The following VPS8 variants were observed in gnomAD, a reference collection of about 807,000 sequenced individuals.
The protein encoded by VPS8 is VPS8 subunit of CORVET complex.
In VPS8, 129 loss-of-function variants were observed where a neutral mutation model predicts 216.4. The observed-to-expected ratio is 0.60, with a 90% CI of 0.52 to 0.69. The LOEUF (loss-of-function observed/expected upper bound fraction) is 0.69. Ranked by LOEUF, VPS8 falls within the 30% of genes least tolerant of loss-of-function variation. The pLI is 0.00. For missense variants in VPS8, 1,531 were observed against 1,683.5 expected, an observed-to-expected ratio of 0.91 and a Z score of 1.59; for synonymous variants, 571 against 565.4, an observed-to-expected ratio of 1.01 and a Z score of -0.14.
intron 21 of VPS8, among the ~76,000 whole-genome samples, chr3:184,875,626 C>G (rs17820136): frequency 6.6e-6 from 1 of 151,896 alleles, no homozygotes; most frequent in African/African-American, 2.4e-5. Context: ...TTTTGTTTGC[C>G]TCACGCCGTC....
chr3:184,851,303 A>G (rs916496066), intron 10 of VPS8, among the ~76,000 whole-genome samples: 1 of 152,230 alleles, frequency 6.6e-6, no homozygotes, highest in Non-Finnish European at 1.5e-5. Flanking sequence ...AAGGTGGTAC[A>G]TGTAGATAAT....
chr3:185,032,338 G>A lies in VPS8; in HGVS notation c.4056+7949G>A, dbSNP rs547993840. Among the ~76,000 whole-genome samples the A allele has an allele frequency of 3.9e-5, 6 of 152,290 alleles. No homozygotes were observed. The South Asian group carries it at 1.2e-3, about 32-fold the overall frequency. On this transcript the variant is annotated intron_variant, in intron 46 of 47. Transcript: ENST00000625842. The stretch of plus-strand genomic sequence containing the variant: ...CAATAGAGGTGAGAGGGCTATTGCA[G>A]TAAGGGGAACGCTCCAACCATAAGA...
At chr3:184,942,176 T>A (rs1742828370) in intron 36 of VPS8, among the ~76,000 whole-genome samples, 1 of 152,158 alleles carries the variant, frequency 6.6e-6, no homozygotes, top group Non-Finnish European at 1.5e-5. Context: ...AAAAGGCATA[T>A]CACAAGTATC....
chr3:184,819,309 A>G (rs1402107344), intron 1 of VPS8, among the ~76,000 whole-genome samples: 1 of 152,194 alleles, frequency 6.6e-6, no homozygotes, highest in Non-Finnish European at 1.5e-5. Context: ...ATCTGATTTC[A>G]TTCTAAGAGA....
intron 40 of VPS8, among the ~76,000 whole-genome samples, chr3:184,972,223 G>A (rs138394091): frequency 1.4e-3 from 210 of 152,320 alleles, no homozygotes; most frequent in African/African-American, 4.9e-3. Flanking sequence ...TTACTATAAA[G>A]AGTGTGTGGC....
chr3:184,894,387 C>G (rs577056870), intron 22 of VPS8, among the ~76,000 whole-genome samples: 1 of 151,966 alleles, frequency 6.6e-6, no homozygotes, highest in Non-Finnish European at 1.5e-5. Flanking sequence ...GGTTCAAAAT[C>G]TGACTCTTTT....
intron 45 of VPS8, among the ~76,000 whole-genome samples, chr3:185,016,422 G>A (rs528595472): frequency 9.9e-5 from 15 of 152,204 alleles, no homozygotes; most frequent in East Asian, 9.7e-4. Context: ...AATTTTTTAC[G>A]AGTGGGTTCA....
rs374891734 is a variant in VPS8 at position 184,949,419 on chromosome 3, T to C, written c.3036-7955T>C. Among the ~76,000 whole-genome samples the C allele has an allele frequency of 3.8e-3, 579 of 152,358 alleles. 3 individuals are homozygous for C. The highest frequency in any genetic ancestry group is 0.013 in the African/African-American group (557 of 41,592). On this transcript the variant is annotated intron_variant, in intron 36 of 47. Transcript: ENST00000625842. The stretch of plus-strand genomic sequence containing the variant: ...TAGATCTGCTGTTACATTAACGTGA[T>C]GTGTCAGAGTCTTTGCTGTCAGGCA...
chr3:184,892,612 T>A lies in VPS8; in HGVS notation c.1782-2091T>A, dbSNP rs551564665. 2.2e-3 allele frequency among the ~76,000 whole-genome samples: 341 copies of A among 152,274 alleles called. 2 individuals are homozygous for A. The highest frequency in any genetic ancestry group is 2.3e-3 in the Non-Finnish European group (159 of 68,012). ...AATTTGTCGTTGAATATAAAAAAAA[T>A]TTTATTTTAAGGTAGAGATGCAAAT... On this transcript the variant is annotated intron_variant, in intron 22 of 47. Coordinates refer to ENST00000625842, the MANE Select transcript of VPS8 (RefSeq NM_001009921.3).
intron 9 of VPS8, chr3:184,849,696 TG>T: frequency 2.0e-6 from 1 of 504,616 alleles, no homozygotes; most frequent in Non-Finnish European, 3.5e-6. Context: ...TCTCTCAGTA[TG>T]AGAACAACAT....
intron 42 of VPS8, among the ~76,000 whole-genome samples, chr3:184,986,686 C>T (rs1751138836): frequency 6.6e-6 from 1 of 152,164 alleles, no homozygotes; most frequent in African/African-American, 2.4e-5. Flanking sequence ...GCTAGCTGTC[C>T]TGTCACTCTC....
chr3:184,971,642 AATCTAG>A lies in VPS8; in HGVS notation c.3317-4_3318del. On this transcript the variant is annotated splice_acceptor_variant and splice_polypyrimidine_tract_variant and intron_variant, in intron 39 of 47. Transcript: ENST00000625842. LOFTEE classifies it high-confidence loss of function. ...TTAAATGATGTTTACACTTTTTCTA[AATCTAG>A]ATACCAAAGAGGATCCCTCATTGAA... The A allele has an allele frequency of 6.2e-7, 1 of 1,606,576 alleles. No individual in the cohort carries two copies. Among genetic ancestry groups the A allele is most frequent in the Non-Finnish European group, 8.5e-7 (1 of 1,175,388 alleles).
Position 184,996,550 on chromosome 3 carries a change from G to A in VPS8, c.3836+49G>A, listed in dbSNP as rs1752640453. On this transcript the variant is annotated intron_variant, in intron 44 of 47. Coordinates refer to ENST00000625842, the MANE Select transcript of VPS8 (RefSeq NM_001009921.3). ...CATGTATGGTACATGTACATCTGTG[G>A]CATTACCAGGCAAGAATCCACATGG... 3 of 1,524,238 alleles carry A rather than the reference G, an allele frequency of 2.0e-6. No homozygotes were observed. In the Admixed American group the frequency reaches 6.0e-5, roughly 30 times the overall value. 94.4% of individuals were successfully genotyped at this position (1,524,238 alleles called of 1,614,324 possible).
At chr3:184,820,157 T>C (rs1717249638) in intron 1 of VPS8, among the ~76,000 whole-genome samples, 2 of 152,210 alleles carry the variant, frequency 1.3e-5, no homozygotes, top group African/African-American at 2.4e-5. Context: ...GTTAGTAGTA[T>C]AAAACAATGC....
chr3:184,916,124 G>T (rs923365948), intron 28 of VPS8, among the ~76,000 whole-genome samples: 1 of 152,164 alleles, frequency 6.6e-6, no homozygotes, highest in Non-Finnish European at 1.5e-5. Flanking sequence ...AAGGAGATGC[G>T]GTAGTGATGA....
chr3:184,862,881 T>G lies in VPS8; in HGVS notation c.1225-16T>G, dbSNP rs774138272. 8.2e-5 allele frequency: 132 copies of G among 1,604,314 alleles called. No individual in the cohort carries two copies. Among genetic ancestry groups the G allele is most frequent in the Non-Finnish European group, 1.1e-4 (129 of 1,173,650 alleles). On this transcript the variant is annotated splice_polypyrimidine_tract_variant and intron_variant, in intron 15 of 47. Coordinates refer to ENST00000625842, the MANE Select transcript of VPS8 (RefSeq NM_001009921.3). ...GTGTGGTCTCACTTTTGTTTTGTTGTGTGCTTGAATTACAGTGGATAAATT... is the reference window on the plus strand; with the variant it reads ...GTGTGGTCTCACTTTTGTTTTGTTGGGTGCTTGAATTACAGTGGATAAATT...
intron 29 of VPS8, among the ~76,000 whole-genome samples, chr3:184,921,362 G>A (rs539769138): frequency 4.5e-4 from 69 of 152,132 alleles, no homozygotes; most frequent in African/African-American, 1.6e-3. Context: ...TGGCTGCTCC[G>A]GCTCCTGCTA....
intron 37 of VPS8, among the ~76,000 whole-genome samples, chr3:184,963,148 T>C (rs1746814901): frequency 6.6e-6 from 1 of 152,148 alleles, no homozygotes; most frequent in Non-Finnish European, 1.5e-5. Flanking sequence ...GCTTTGGCTA[T>C]TTTTAGTGTC....
At chr3:184,935,408 A>G (rs1741423995) in intron 34 of VPS8, among the ~76,000 whole-genome samples, 1 of 152,222 alleles carries the variant, frequency 6.6e-6, no homozygotes, top group South Asian at 2.1e-4. Context: ...GCTAATTATT[A>G]TGAATCTACA....
Sources: allele counts gnomAD v4.1 joint callset (sites outside exome capture counted in the v4.1 genomes callset), GRCh38; gene constraint gnomAD v4.1.1; transcripts MANE v1.5; gene names NCBI Gene and HGNC (gene_info 2026-07-23, HGNC 2026-07-21).